The following CTSZ variants were observed in gnomAD, a reference collection of about 807,000 sequenced individuals.
The protein encoded by CTSZ is cathepsin Z.
In CTSZ, 39 loss-of-function variants were observed where a neutral mutation model predicts 32.4. The observed-to-expected ratio is 1.20, with a 90% CI of 0.93 to 1.57. CTSZ has a LOEUF of 1.57. CTSZ is among the 40% of genes most tolerant of loss of function. The probability of loss-of-function intolerance (pLI) is 0.00; values close to 1 mark genes in which losing one functional copy is unlikely to be tolerated. For synonymous variants in CTSZ, 168 were observed against 170.1 expected, an observed-to-expected ratio of 0.99 and a Z score of 0.10; for missense variants, 397 against 419.6, an observed-to-expected ratio of 0.95 and a Z score of 0.47.
intron 3 of CTSZ, among the ~76,000 whole-genome samples, chr20:58,998,784 C>T (rs908955129): frequency 6.6e-6 from 1 of 152,188 alleles, no homozygotes; most frequent in African/African-American, 2.4e-5. Flanking sequence ...TCCCACTTTT[C>T]ACTCCATCCA....
intron 5 of CTSZ, 68 bp from the exon 6 acceptor site, chr20:58,995,827 C>T: frequency 7.3e-7 from 1 of 1,374,990 alleles, no homozygotes; most frequent in Non-Finnish European, 1.0e-6. Flanking sequence ...TGCCGTCAGC[C>T]CCCTGCCCCC....
In CTSZ at chr20:59,007,009, GT is replaced by G; in HGVS notation, c.119del (p.Asp40AlafsTer163). Reference sequence around the variant, plus strand: ...ACCTGCGCCCCAGCGGAGCCAGCCCGTCCCCCCGCAGAGGCCGGTAGCAGGT... The same window carrying G: ...ACCTGCGCCCCAGCGGAGCCAGCCCGCCCCCCGCAGAGGCCGGTAGCAGGT... Reference protein sequence around the residue: ...GQTCYRPLRGDGLAPLGRSTY... With the variant: ...GQTCYRPLRGXGLAPLGRSTY... On this transcript the variant is annotated frameshift_variant, in exon 1 of 6. Coordinates refer to ENST00000217131, the MANE Select transcript of CTSZ (RefSeq NM_001336.4). LOFTEE classifies it high-confidence loss of function. 2 of 1,470,560 alleles carry G rather than the reference GT, an allele frequency of 1.4e-6. No homozygotes were observed. Among genetic ancestry groups the G allele is most frequent in the African/African-American group, 2.9e-5 (2 of 68,016 alleles). The allele number at this position is 1,470,560 out of a possible 1,614,324, so 91.1% of individuals were successfully genotyped here. A position where few individuals can be genotyped will look rare whatever the true frequency, so the allele number is the denominator to read the frequency against.
intron 3 of CTSZ, among the ~76,000 whole-genome samples, chr20:59,000,955 A>C (rs934027732): frequency 4.0e-5 from 6 of 151,172 alleles, no homozygotes; most frequent in Non-Finnish European, 7.4e-5. Context: ...CAGCTGCCCG[A>C]GTACCTGGGA....
At position 58,995,621 on chromosome 20, in the gene CTSZ, C is replaced by T; in HGVS notation, c.*28G>A. The T allele has an allele frequency of 1.9e-6, 3 of 1,606,060 alleles. No homozygotes were observed. Among genetic ancestry groups the T allele is most frequent in the Non-Finnish European group, 2.6e-6 (3 of 1,172,814 alleles). ...CTGGTCATGGGTCACCATGCCTTTT[C>T]TTAAACTGCGCTTCTAGTGACATGG... On this transcript the variant is annotated 3_prime_UTR_variant, in exon 6 of 6. Coordinates refer to ENST00000217131, the MANE Select transcript of CTSZ (RefSeq NM_001336.4).
At chr20:58,999,665 G>A (rs941364625) in intron 3 of CTSZ, among the ~76,000 whole-genome samples, 12 of 152,220 alleles carry the variant, frequency 7.9e-5, no homozygotes, top group African/African-American at 2.9e-4. Flanking sequence ...AGGGCGCTGG[G>A]GCCAGCCTAT....
At chr20:58,997,896 C>T (rs2091869303) in intron 3 of CTSZ, 143 bp from the exon 4 acceptor site, 5 of 662,986 alleles carry the variant, frequency 7.5e-6, no homozygotes, top group Non-Finnish European at 1.2e-5. Context: ...CTATTAGGTG[C>T]TGCTTAATGA....
intron 2 of CTSZ, chr20:59,006,026 C>T: frequency 2.3e-6 from 1 of 444,292 alleles, no homozygotes; most frequent in Non-Finnish European, 4.1e-6. Context: ...TTTTGCATTT[C>T]TGTTTCTATC....
rs1282303887 is a variant in CTSZ at position 59,004,889 on chromosome 20, G to A, written c.307+1433C>T. On this transcript the variant is annotated intron_variant, in intron 2 of 5. Transcript: ENST00000217131. This position sits in a 1 kb window ranked among gnomAD's most constrained non-coding sequence, Gnocchi z 5.6. ...TGCGGCAGGGCTGACCCCTGGCCAG[G>A]GTCCCACATCCATCTGAAAGCCATC... 6.6e-6 allele frequency among the ~76,000 whole-genome samples: 1 copy of A among 151,954 alleles called. No individual in the cohort carries two copies. Among genetic ancestry groups the A allele is most frequent in the African/African-American group, 2.4e-5 (1 of 41,334 alleles).
intron 3 of CTSZ, 21 bp downstream of exon 3, chr20:59,001,425 AGGGCAGGAGGGTGGAGTGG>A: frequency 6.4e-7 from 1 of 1,569,286 alleles, no homozygotes; most frequent in Non-Finnish European, 8.7e-7. Context: ...GAGGGAGTGG[AGGGCAGGAGGGTGGAGTGG>A]GGGCACGGGC....
At chr20:59,000,761 C>G (rs897443508) in intron 3 of CTSZ, among the ~76,000 whole-genome samples, 2 of 152,140 alleles carry the variant, frequency 1.3e-5, no homozygotes, top group East Asian at 1.9e-4. Flanking sequence ...CACATTCAGG[C>G]CCAGCCAAAG....
intron 5 of CTSZ, 96 bp from the exon 6 acceptor site, chr20:58,995,855 T>C: frequency 9.2e-7 from 1 of 1,084,482 alleles, no homozygotes; most frequent in South Asian, 1.4e-5. Context: ...TGCCTCCATC[T>C]CTCAGGCCAG....
rs867734922 is a variant in CTSZ, at chr20:59,007,252, T to C, written c.-124A>G. 4 of 1,171,316 alleles carry C rather than the reference T, an allele frequency of 3.4e-6. No homozygotes were observed. The highest frequency in any genetic ancestry group is 3.3e-4 in the Middle Eastern group (1 of 3,066). The allele number at this position is 1,171,316 out of a possible 1,614,324, so 72.6% of individuals were successfully genotyped here. A position where few individuals can be genotyped will look rare whatever the true frequency, so the allele number is the denominator to read the frequency against. On this transcript the variant is annotated 5_prime_UTR_variant, in exon 1 of 6. Transcript: ENST00000217131. The stretch of plus-strand genomic sequence containing the variant: ...GCCCAGCACCCGGCCGACCCCGCAC[T>C]TTGGGCCCCTGCCCCGCCCGGCCCT...
intron 3 of CTSZ, among the ~76,000 whole-genome samples, chr20:59,001,122 C>T (rs967830085): frequency 2.6e-5 from 4 of 152,170 alleles, no homozygotes; most frequent in South Asian, 2.1e-4. Context: ...AGCCACCGCG[C>T]GCATGGCCAA....
At position 59,007,212 on chromosome 20, in the gene CTSZ, C is replaced by CCGGCCT. The variant is rs1477881497; in HGVS notation, c.-90_-85dup. 44 of 1,122,250 alleles carry CCGGCCT rather than the reference C, an allele frequency of 3.9e-5. No individual in the cohort carries two copies. The highest frequency in any genetic ancestry group is 2.5e-4 in the Admixed American group (4 of 16,282). 69.5% of individuals were successfully genotyped at this position (1,122,250 alleles called of 1,614,324 possible). ...GCCGGCTCCCGCTCTGGATCCCGCC[C>CCGGCCT]CGGCCTCGGCCTCGGCCCAGCACCC... On this transcript the variant is annotated 5_prime_UTR_variant, in exon 1 of 6. Coordinates refer to ENST00000217131, the MANE Select transcript of CTSZ (RefSeq NM_001336.4).
chr20:58,998,559 AG>A (rs1310993742), intron 3 of CTSZ, among the ~76,000 whole-genome samples: 32 of 149,898 alleles, frequency 2.1e-4, no homozygotes, highest in Admixed American at 4.0e-4. Flanking sequence ...AAAAAAAGAA[AG>A]AAAGAAAGAA....
At chr20:58,999,933 G>A (rs2091881051) in intron 3 of CTSZ, among the ~76,000 whole-genome samples, 1 of 152,240 alleles carries the variant, frequency 6.6e-6, no homozygotes, top group South Asian at 2.1e-4. Flanking sequence ...GCCGGGCGCG[G>A]TGGCGGGCGC....
Position 58,995,406 on chromosome 20 carries a change from G to T in CTSZ, c.*243C>A. On this transcript the variant is annotated 3_prime_UTR_variant, in exon 6 of 6. Transcript: ENST00000217131. The stretch of plus-strand genomic sequence containing the variant: ...GGTCCCATCGTTTCCTGTGTCGCAG[G>T]TCACTTCTTCACCAGGTGGCTGACT... 2.3e-6 allele frequency: 1 copy of T among 443,404 alleles called. No individual in the cohort carries two copies. The highest frequency in any genetic ancestry group is 4.0e-6 in the Non-Finnish European group (1 of 250,412). The allele number at this position is 443,404 out of a possible 1,614,324, so 27.5% of individuals were successfully genotyped here.
intron 2 of CTSZ, 46 bp downstream of exon 2, chr20:59,006,276 G>T: frequency 6.5e-7 from 1 of 1,539,134 alleles, no homozygotes; most frequent in Non-Finnish European, 8.8e-7. Context: ...TAAACAGGCA[G>T]CCGGGATGGG....
chr20:59,003,175 G>A (rs139980914), intron 2 of CTSZ, among the ~76,000 whole-genome samples: 3 of 152,254 alleles, frequency 2.0e-5, no homozygotes, highest in African/African-American at 4.8e-5. Context: ...AGTGCAGGGC[G>A]TCCCATGGCC....
Sources: allele counts gnomAD v4.1 joint callset (sites outside exome capture counted in the v4.1 genomes callset), GRCh38; gene constraint gnomAD v4.1.1; non-coding constraint Gnocchi (gnomAD v3.1); transcripts MANE v1.5; gene names NCBI Gene and HGNC (gene_info 2026-07-23, HGNC 2026-07-21).